Variants in CUX2 observed in about 807,000 individuals in gnomAD.
CUX2 encodes the protein homeobox protein cut-like 2.
In CUX2, 40 loss-of-function variants were observed where a neutral mutation model predicts 144.8. The observed-to-expected ratio is 0.28, with a 90% CI of 0.21 to 0.36. CUX2 has a LOEUF of 0.36. Ranked by LOEUF, CUX2 falls within the 10% of genes least tolerant of loss-of-function variation. CUX2 has a pLI of 1.00. For missense variants in CUX2, 1,615 were observed against 1,994.0 expected (o/e 0.81, Z 3.62); for synonymous variants, 827 against 875.6 (o/e 0.94, Z 0.98).
rs753757788 is a variant in CUX2, at chr12:111,295,433, T to C, written c.637+24T>C. 3 of 1,600,532 alleles carry C rather than the reference T, an allele frequency of 1.9e-6. No homozygotes were observed. The highest frequency in any genetic ancestry group is 8.5e-7 in the Non-Finnish European group (1 of 1,172,920). On this transcript the variant is annotated intron_variant, in intron 7 of 21. Transcript: ENST00000261726. This position sits in a 1 kb window ranked among gnomAD's most constrained non-coding sequence, Gnocchi z 5.0. The stretch of plus-strand genomic sequence containing the variant: ...AGGTATGTGTCGGCACCATGTGGCC[T>C]AGAGGGAGGACTGGGAGGGGACGGT...
chr12:111,200,754 G>A (rs1373097989), intron 1 of CUX2, among the ~76,000 whole-genome samples: 1 of 152,170 alleles, frequency 6.6e-6, no homozygotes, highest in Non-Finnish European at 1.5e-5. Context: ...AGAATTGGTG[G>A]GGGGCAGGAA....
intron 4 of CUX2, among the ~76,000 whole-genome samples, chr12:111,281,912 G>A (rs568831577): frequency 3.3e-5 from 5 of 152,288 alleles, no homozygotes; most frequent in African/African-American, 1.2e-4. Flanking sequence ...AAGGGAAGGA[G>A]GAGGGAGGAT....
At chr12:111,215,102 A>G (rs969925087) in intron 2 of CUX2, among the ~76,000 whole-genome samples, 2 of 152,200 alleles carry the variant, frequency 1.3e-5, no homozygotes, top group Non-Finnish European at 2.9e-5. Context: ...CTGCGGCCAG[A>G]TCTCCCCAAA....
In CUX2 at chr12:111,295,248, T is replaced by A; in HGVS notation, c.561-85T>A. The A allele has an allele frequency of 8.2e-7, 1 of 1,220,658 alleles. No homozygotes were observed. The allele number at this position is 1,220,658 out of a possible 1,614,324, so 75.6% of individuals were successfully genotyped here. On this transcript the variant is annotated intron_variant, in intron 6 of 21. Coordinates refer to ENST00000261726, the MANE Select transcript of CUX2 (RefSeq NM_015267.4). This position sits in a 1 kb window ranked among gnomAD's most constrained non-coding sequence, Gnocchi z 5.0. ...CAGGTTACAGGGAGTGGGCAAGGGG[T>A]AGGAAGCAAGATGGGGCTCGACTCG... is the stretch of plus-strand genomic sequence containing the variant.
intron 3 of CUX2, among the ~76,000 whole-genome samples, chr12:111,242,842 A>G (rs575377572): frequency 2.6e-4 from 39 of 152,122 alleles, no homozygotes; most frequent in African/African-American, 9.4e-4. Flanking sequence ...TCCTAATGCT[A>G]TCCTTCCCCT....
chr12:111,242,388 T>C (rs1339273467), intron 3 of CUX2, among the ~76,000 whole-genome samples: 1 of 152,244 alleles, frequency 6.6e-6, no homozygotes, highest in Non-Finnish European at 1.5e-5. Context: ...TTCGTTCACA[T>C]ATTTCCTGCA....
intron 18 of CUX2, among the ~76,000 whole-genome samples, chr12:111,332,977 G>A (rs1052546727): frequency 6.6e-6 from 1 of 152,140 alleles, no homozygotes; most frequent in Admixed American, 6.6e-5. Context: ...GGAGGCTAAG[G>A]CAGGTAGATC....
intron 1 of CUX2, among the ~76,000 whole-genome samples, chr12:111,166,671 C>G (rs958802846): frequency 2.6e-5 from 4 of 152,202 alleles, no homozygotes; most frequent in African/African-American, 9.7e-5. Context: ...AGAGTCTGTG[C>G]TTTCATCAGG....
chr12:111,276,643 G>GTTTGT (rs60318566), intron 4 of CUX2, among the ~76,000 whole-genome samples: 12,408 of 151,050 alleles, frequency 0.082, 1,140 homozygotes, highest in African/African-American at 0.23. Flanking sequence ...TTGTTTGTTT[G>GTTTGT]TTTGTTTTGT....
intron 1 of CUX2, among the ~76,000 whole-genome samples, chr12:111,151,637 G>A (rs911097413): frequency 7.2e-5 from 11 of 152,144 alleles, no homozygotes; most frequent in Non-Finnish European, 1.5e-4. Context: ...CCATCTTGCC[G>A]AGACTTAGGG....
chr12:111,328,241 G>A (rs758277490), intron 18 of CUX2, among the ~76,000 whole-genome samples: 1 of 152,140 alleles, frequency 6.6e-6, no homozygotes, highest in Non-Finnish European at 1.5e-5. Context: ...CTGGCTGTGG[G>A]GCTGGGTGTC....
chr12:111,151,039 A>G (rs1318771956), intron 1 of CUX2, among the ~76,000 whole-genome samples: 1 of 152,176 alleles, frequency 6.6e-6, no homozygotes, highest in Non-Finnish European at 1.5e-5. Context: ...TTGGAGTCAT[A>G]TGTAATTTTT....
chr12:111,218,109 G>A (rs1039298161), intron 3 of CUX2, among the ~76,000 whole-genome samples, 172 bp downstream of exon 3: 9 of 152,192 alleles, frequency 5.9e-5, no homozygotes, highest in African/African-American at 1.9e-4. Flanking sequence ...GAATGGTATA[G>A]TAATGAGAAT....
At chr12:111,180,813 C>A (rs1879118962) in intron 1 of CUX2, among the ~76,000 whole-genome samples, 1 of 152,170 alleles carries the variant, frequency 6.6e-6, no homozygotes, top group African/African-American at 2.4e-5. Context: ...GGCCGGTGGG[C>A]GAGGCTCCCC....
At chr12:111,214,926 G>A (rs914687925) in intron 2 of CUX2, among the ~76,000 whole-genome samples, 20 of 152,112 alleles carry the variant, frequency 1.3e-4, no homozygotes, top group Non-Finnish European at 4.4e-5. Context: ...TTACCGGCCC[G>A]GATGTGTGAA....
At chr12:111,301,865 T>C (rs1007996202) in intron 9 of CUX2, among the ~76,000 whole-genome samples, 3 of 152,206 alleles carry the variant, frequency 2.0e-5, no homozygotes, top group Admixed American at 2.0e-4. Context: ...CCACCCTTGA[T>C]GTCTAAACAC....
intron 1 of CUX2, among the ~76,000 whole-genome samples, chr12:111,211,882 G>A (rs3925618): frequency 0.18 from 26,053 of 144,544 alleles, 2,926 homozygotes; most frequent in East Asian, 0.58. Context: ...GTGAGACTCC[G>A]TCTCAAAAAA....
At chr12:111,122,086 A>G (rs1405048716) in intron 1 of CUX2, among the ~76,000 whole-genome samples, 2 of 152,208 alleles carry the variant, frequency 1.3e-5, no homozygotes, top group African/African-American at 4.8e-5. Context: ...GCCATTTAAA[A>G]AGAAGATTAT....
intron 1 of CUX2, chr12:111,099,709 T>C (rs1873085116): frequency 2.2e-6 from 1 of 456,404 alleles, no homozygotes; most frequent in Non-Finnish European, 4.4e-6. Flanking sequence ...TCTGATCACC[T>C]ATTGGGTTTA....
Sources: allele counts gnomAD v4.1 joint callset (sites outside exome capture counted in the v4.1 genomes callset), GRCh38; gene constraint gnomAD v4.1.1; non-coding constraint Gnocchi (gnomAD v3.1); transcripts MANE v1.5; gene names NCBI Gene and HGNC (gene_info 2026-07-23, HGNC 2026-07-21).